The following RNF220 variants were observed in gnomAD, a reference collection of about 807,000 sequenced individuals.
RNF220 encodes ring finger protein 220.
A neutral mutation model predicts 67.1 loss-of-function variants in RNF220; 7 were observed. The observed-to-expected ratio is 0.10, with a 90% CI of 0.06 to 0.20. The LOEUF is 0.20. Among genes scored for constraint, RNF220 ranks in the 10% least tolerant of loss-of-function variants. The probability of loss-of-function intolerance (pLI) is 1.00; values close to 1 mark genes in which losing one functional copy is unlikely to be tolerated. For missense variants in RNF220, 565 were observed against 740.3 expected (o/e 0.76, Z 2.75); for synonymous variants, 270 against 283.2 (o/e 0.95, Z 0.47).
chr1:44,477,144 T>A (rs1655371814), intron 2 of RNF220, among the ~76,000 whole-genome samples: 1 of 152,214 alleles, frequency 6.6e-6, no homozygotes, highest in African/African-American at 2.4e-5. Context: ...AACATATGCA[T>A]ATGAAGTTCA....
At chr1:44,526,166 C>T (rs1029279202) in intron 2 of RNF220, among the ~76,000 whole-genome samples, 17 of 152,256 alleles carry the variant, frequency 1.1e-4, no homozygotes, top group African/African-American at 4.1e-4. Context: ...CCTCTATTTC[C>T]GGCCTGTGAT....
intron 8 of RNF220, among the ~76,000 whole-genome samples, chr1:44,639,039 G>A (rs1644412447): frequency 6.6e-6 from 1 of 152,220 alleles, no homozygotes; most frequent in African/African-American, 2.4e-5. Flanking sequence ...AGCACACAGA[G>A]CCTAGTGCGC....
At chr1:44,581,814 A>G (rs1310231793) in intron 2 of RNF220, among the ~76,000 whole-genome samples, 1 of 152,108 alleles carries the variant, frequency 6.6e-6, no homozygotes, top group Non-Finnish European at 1.5e-5. Context: ...CTAGGACCCA[A>G]GCCTGCTCTT....
intron 2 of RNF220, among the ~76,000 whole-genome samples, chr1:44,500,889 G>A (rs540545240): frequency 3.8e-4 from 58 of 152,330 alleles, no homozygotes; most frequent in Admixed American, 3.3e-3. Context: ...AGTCCACAAC[G>A]TGGGGCTCGG....
At chr1:44,471,082 C>A (rs535651667) in intron 2 of RNF220, among the ~76,000 whole-genome samples, 125 of 152,114 alleles carry the variant, frequency 8.2e-4, no homozygotes, top group African/African-American at 2.7e-3. Flanking sequence ...CAGAGTGAGA[C>A]CCTATCTCAA....
At chr1:44,557,223 A>G (rs182105866) in intron 2 of RNF220, among the ~76,000 whole-genome samples, 118 of 148,110 alleles carry the variant, frequency 8.0e-4, no homozygotes, top group Middle Eastern at 3.6e-3. Context: ...GCTTCTTGAT[A>G]GAAACTGTTT....
chr1:44,593,647 A>C (rs1400271288), intron 2 of RNF220, among the ~76,000 whole-genome samples: 1 of 152,090 alleles, frequency 6.6e-6, no homozygotes, highest in East Asian at 1.9e-4. Flanking sequence ...ATCTGAGCTC[A>C]AGAGTTCGAG....
chr1:44,588,578 G>A (rs1046677827), intron 2 of RNF220, among the ~76,000 whole-genome samples: 2 of 152,100 alleles, frequency 1.3e-5, no homozygotes, highest in South Asian at 2.1e-4. Flanking sequence ...TAATTAACTC[G>A]AGTAATAAAA....
rs149893834 is a variant in RNF220 at position 44,530,123 on chromosome 1, G to T, written c.626-84042G>T. Among the ~76,000 whole-genome samples, 578 of 151,908 alleles carry T rather than the reference G, an allele frequency of 3.8e-3. 3 individuals carry two copies. The highest frequency in any genetic ancestry group is 0.014 in the African/African-American group (564 of 41,446). ...ACATACTTTTTTTGTGAGTATAAACGTTTAGGTATACTAACAAAAGTTGCA... is the reference window on the plus strand; with the variant it reads ...ACATACTTTTTTTGTGAGTATAAACTTTTAGGTATACTAACAAAAGTTGCA... On this transcript the variant is annotated intron_variant, in intron 2 of 14. Coordinates refer to ENST00000361799, the MANE Select transcript of RNF220 (RefSeq NM_018150.4).
chr1:44,456,349 T>C (rs1315875134), intron 2 of RNF220, among the ~76,000 whole-genome samples: 1 of 152,240 alleles, frequency 6.6e-6, no homozygotes, highest in Non-Finnish European at 1.5e-5. Flanking sequence ...GTGCATGGCT[T>C]TCACATTACA....
chr1:44,531,596 GA>G (rs1435243081), intron 2 of RNF220, among the ~76,000 whole-genome samples: 1 of 152,126 alleles, frequency 6.6e-6, no homozygotes, highest in African/African-American at 2.4e-5. Flanking sequence ...GGTGTTTGAG[GA>G]ATATCAGATC....
intron 2 of RNF220, among the ~76,000 whole-genome samples, chr1:44,599,142 T>A (rs1666744055): frequency 6.6e-6 from 1 of 152,126 alleles, no homozygotes; most frequent in Non-Finnish European, 1.5e-5. Context: ...TCAGCTACTC[T>A]GGGCACACTG....
intron 2 of RNF220, among the ~76,000 whole-genome samples, chr1:44,555,082 T>G (rs1442834253): frequency 6.6e-6 from 1 of 152,148 alleles, no homozygotes; most frequent in Non-Finnish European, 1.5e-5. Flanking sequence ...CTCAAACTCT[T>G]TTTTGAGACA....
intron 2 of RNF220, among the ~76,000 whole-genome samples, chr1:44,421,242 T>A (rs969509652): frequency 2.0e-5 from 3 of 152,190 alleles, no homozygotes; most frequent in Non-Finnish European, 4.4e-5. Context: ...AAGCCAAATC[T>A]CATGGTATTT....
intron 2 of RNF220, among the ~76,000 whole-genome samples, chr1:44,459,666 G>C (rs1653568334): frequency 6.6e-6 from 1 of 152,210 alleles, no homozygotes; most frequent in Non-Finnish European, 1.5e-5. Flanking sequence ...GGAAGAGCAA[G>C]AGCTGGACTG....
Position 44,412,463 on chromosome 1 carries a change from C to G in RNF220, c.366C>G (p.Pro122=). 1 of 1,611,426 alleles carries G rather than the reference C, an allele frequency of 6.2e-7. No individual in the cohort carries two copies. The highest frequency in any genetic ancestry group is 8.5e-7 in the Non-Finnish European group (1 of 1,177,808). The part of the protein sequence containing the change: ...LNHSGVGAFR[P]FASTEDRESY... Reference sequence around the variant, plus strand: ...ATAGTGGTGTGGGGGCTTTCCGGCCCTTTGCCTCCACCGAGGACCGGGAGA... The same window carrying G: ...ATAGTGGTGTGGGGGCTTTCCGGCCGTTTGCCTCCACCGAGGACCGGGAGA... The change falls in exon 2 of 15, where the codon CCC becomes CCG. Residue 122 remains proline, a synonymous_variant. Coordinates refer to ENST00000361799, the MANE Select transcript of RNF220 (RefSeq NM_018150.4). The surrounding 1 kb of genome is among the most constrained non-coding windows in gnomAD (Gnocchi z 5.3).
At chr1:44,590,948 T>C (rs1422257727) in intron 2 of RNF220, among the ~76,000 whole-genome samples, 1 of 152,126 alleles carries the variant, frequency 6.6e-6, no homozygotes, top group African/African-American at 2.4e-5. Context: ...GTTTTTGTTT[T>C]GTTTTGTTTT....
At position 44,412,636 on chromosome 1, in the gene RNF220, A is replaced by T; in HGVS notation, c.539A>T (p.Asp180Val). The T allele has an allele frequency of 6.2e-7, 1 of 1,614,196 alleles. No individual in the cohort carries two copies. Among genetic ancestry groups the T allele is most frequent in the South Asian group, 1.1e-5 (1 of 91,078 alleles). The change falls in exon 2 of 15, where the codon GAT becomes GTT. Residue 180 changes from aspartate (D) to valine (V), a missense_variant. Coordinates refer to ENST00000361799, the MANE Select transcript of RNF220 (RefSeq NM_018150.4). The surrounding 1 kb of genome is among the most constrained non-coding windows in gnomAD (Gnocchi z 5.3). ...AGCTCCCCCGGTTCACTAAAGGTTG[A>T]TGACACTGGGAAGAAGATTTTTGCT... ...PSSSPGSLKV[D>V]DTGKKIFAVS... is the part of the protein sequence containing the mutation.
At chr1:44,595,888 C>T (rs1330592835) in intron 2 of RNF220, among the ~76,000 whole-genome samples, 2 of 152,076 alleles carry the variant, frequency 1.3e-5, no homozygotes, top group Non-Finnish European at 2.9e-5. Flanking sequence ...CTCAGCCTCC[C>T]GAGTAGCTGG....
Sources: allele counts gnomAD v4.1 joint callset (sites outside exome capture counted in the v4.1 genomes callset), GRCh38; gene constraint gnomAD v4.1.1; non-coding constraint Gnocchi (gnomAD v3.1); transcripts MANE v1.5; gene names NCBI Gene and HGNC (gene_info 2026-07-23, HGNC 2026-07-21).